Variants in FBXO22 observed in about 807,000 individuals in gnomAD.
The protein encoded by FBXO22 is F-box protein 22.
FBXO22 carries 13 observed loss-of-function variants against 37.2 expected under a neutral mutation model. The ratio of observed to expected loss-of-function variants is 0.35; its 90% confidence interval spans 0.23 to 0.56. The LOEUF (loss-of-function observed/expected upper bound fraction) is 0.56, where lower values mean the gene tolerates loss of function less well. Among genes scored for constraint, FBXO22 ranks in the 20% least tolerant of loss-of-function variants. The pLI, the probability that FBXO22 is intolerant of heterozygous loss-of-function variation, is 0.87. For missense variants in FBXO22, 446 were observed against 509.9 expected (o/e 0.87, Z 1.21); for synonymous variants, 189 against 189.1 (o/e 1.00, Z 0.00).
intron 5 of FBXO22, among the ~76,000 whole-genome samples, chr15:75,925,386 C>G (rs917764918): frequency 2.0e-5 from 3 of 152,010 alleles, no homozygotes; most frequent in Admixed American, 2.0e-4. Flanking sequence ...GTAGATTGTT[C>G]AGGTTCTTTC....
At chr15:75,922,265 GCTTA>G (rs1197257410) in intron 5 of FBXO22, among the ~76,000 whole-genome samples, 1 of 152,240 alleles carries the variant, frequency 6.6e-6, no homozygotes, top group African/African-American at 2.4e-5. Flanking sequence ...TGTTGCATAT[GCTTA>G]CTGTGCGTGT....
chr15:75,904,074 G>A lies in FBXO22; in HGVS notation c.111G>A (p.Leu37=), dbSNP rs549161797. 2.3e-5 allele frequency: 36 copies of A among 1,549,888 alleles called. No individual in the cohort carries two copies. The East Asian group carries it at 8.2e-4, about 35-fold the overall frequency. The change falls in exon 1 of 7, where the codon CTG becomes CTA. Residue 37 remains leucine, a synonymous_variant. Coordinates refer to ENST00000308275, the MANE Select transcript of FBXO22 (RefSeq NM_147188.3). ...AEVVERVLTF[L]PAKALLRVAC... The stretch of plus-strand genomic sequence containing the variant: ...TGGTGGAGCGTGTGCTCACCTTCCT[G>A]CCCGCCAAGGCGTTGCTGCGGGTGG...
At chr15:75,913,777 T>C (rs1295396125) in intron 3 of FBXO22, among the ~76,000 whole-genome samples, 1 of 151,816 alleles carries the variant, frequency 6.6e-6, no homozygotes, top group Non-Finnish European at 1.5e-5. Context: ...TTGATGCAAA[T>C]AGTAGTTATA....
At chr15:75,929,548 T>C (rs1229480060) in intron 5 of FBXO22, among the ~76,000 whole-genome samples, 3 of 151,836 alleles carry the variant, frequency 2.0e-5, no homozygotes, top group Admixed American at 6.6e-5. Flanking sequence ...GAGAGCCAGC[T>C]TGCACCTTGG....
intron 6 of FBXO22, chr15:75,930,318 T>C (rs1164054344): frequency 7.4e-7 from 1 of 1,360,378 alleles, no homozygotes; most frequent in Non-Finnish European, 9.5e-7. Flanking sequence ...ATCTTTCCTT[T>C]GACAGATGTG....
rs747892793 is a variant in FBXO22, at chr15:75,903,913, A to G, written c.-51A>G. 1.4e-6 allele frequency: 2 copies of G among 1,453,298 alleles called. No individual in the cohort carries two copies. The highest frequency in any genetic ancestry group is 5.1e-5 in the East Asian group (2 of 39,110). 90.0% of individuals were successfully genotyped at this position (1,453,298 alleles called of 1,614,324 possible). On this transcript the variant is annotated 5_prime_UTR_variant, in exon 1 of 7. An upstream open reading frame in the 5' UTR loses its in-frame stop. Coordinates refer to ENST00000308275, the MANE Select transcript of FBXO22 (RefSeq NM_147188.3). The stretch of plus-strand genomic sequence containing the variant: ...GGCCGGGCAACCCTATGCTGGCGTA[A>G]TCGGGTTCCTCCGAGCCGCCGTAGG...
Position 75,932,813 on chromosome 15 carries a change from G to A in FBXO22, c.923G>A (p.Arg308His), listed in dbSNP as rs776423393. ...AAGACTGCTGAGGCTGCGATGCAGC[G>A]CCTCAAAGCGGCCAACATTCCAGAG... ...DEKTAEAAMQ[R>H]LKAANIPEHN... is the part of the protein sequence containing the mutation. Residue 308 changes from arginine to histidine, a missense_variant, in exon 7 of 7, where the codon CGC becomes CAC. Arg to His is a conservative substitution (Grantham distance 29). This residue lies in a region of FBXO22 where 315 missense variants were observed against 410.1 expected (regional missense o/e 0.77). Transcript: ENST00000308275. 6.8e-6 allele frequency: 11 copies of A among 1,614,104 alleles called. No individual in the cohort carries two copies. The highest frequency in any genetic ancestry group is 1.7e-5 in the Admixed American group (1 of 60,010).
chr15:75,915,381 A>G (rs1232669126), intron 4 of FBXO22, among the ~76,000 whole-genome samples: 1 of 152,260 alleles, frequency 6.6e-6, no homozygotes, highest in Non-Finnish European at 1.5e-5. Context: ...TGAGGTAAAA[A>G]GAATTTTACA....
intron 2 of FBXO22, among the ~76,000 whole-genome samples, chr15:75,906,142 T>C (rs895542931): frequency 1.3e-5 from 2 of 152,192 alleles, no homozygotes; most frequent in African/African-American, 4.8e-5. Flanking sequence ...TCAGTGTCTT[T>C]TTAGAGATGA....
intron 5 of FBXO22, among the ~76,000 whole-genome samples, chr15:75,926,369 C>T (rs551368126): frequency 3.3e-5 from 5 of 152,124 alleles, no homozygotes; most frequent in Non-Finnish European, 5.9e-5. Flanking sequence ...TGTTATTTAC[C>T]GGTAGCACCA....
At position 75,929,877 on chromosome 15, in the gene FBXO22, T is replaced by C; in HGVS notation, c.629-7T>C. ...GTCTTTAACTGTTGCTCTTCATTTC[T>C]CTGCAGGTCTTTTAGATAACCCTGA... On this transcript the variant is annotated splice_polypyrimidine_tract_variant and splice_region_variant and intron_variant, in intron 5 of 6. Transcript: ENST00000308275. The C allele has an allele frequency of 1.2e-6, 2 of 1,613,990 alleles. No homozygotes were observed. The highest frequency in any genetic ancestry group is 1.1e-5 in the South Asian group (1 of 91,068).
intron 2 of FBXO22, among the ~76,000 whole-genome samples, chr15:75,906,965 A>G (rs1312591168): frequency 2.0e-5 from 3 of 152,258 alleles, no homozygotes; most frequent in Non-Finnish European, 4.4e-5. Context: ...ATGAAATTAT[A>G]TATTTAGTAT....
Position 75,932,833 on chromosome 15 carries a change from C to G in FBXO22, c.943C>G (p.Pro315Ala). 6.2e-7 allele frequency: 1 copy of G among 1,614,248 alleles called. No homozygotes were observed. ...AMQRLKAANI[P>A]EHNTIGFMFA... ...GCAGCGCCTCAAAGCGGCCAACATT[C>G]CAGAGCATAACACCATTGGCTTCAT... is the stretch of plus-strand genomic sequence containing the variant. The change falls in exon 7 of 7, where the codon CCA becomes GCA. Residue 315 changes from proline (P) to alanine (A), a missense_variant. Transcript: ENST00000308275.
chr15:75,904,073 T>C lies in FBXO22; in HGVS notation c.110T>C (p.Leu37Pro). 1 of 1,551,100 alleles carries C rather than the reference T, an allele frequency of 6.4e-7. No individual in the cohort carries two copies. The highest frequency in any genetic ancestry group is 8.7e-7 in the Non-Finnish European group (1 of 1,146,154). Residue 37 changes from leucine (L) to proline (P), a missense_variant, in exon 1 of 7, where the codon CTG becomes CCG. By Grantham distance (98) the Leu-to-Pro change is moderately conservative. This residue lies in a region of FBXO22 where 131 missense variants were observed against 99.8 expected (regional missense o/e 1.31). Transcript: ENST00000308275. ...GTGGTGGAGCGTGTGCTCACCTTCC[T>C]GCCCGCCAAGGCGTTGCTGCGGGTG... ...AEVVERVLTF[L>P]PAKALLRVAC...
intron 2 of FBXO22, among the ~76,000 whole-genome samples, chr15:75,908,433 C>T (rs535654255): frequency 2.0e-4 from 31 of 151,998 alleles, no homozygotes; most frequent in Admixed American, 3.9e-4. Context: ...CAGCCATACC[C>T]GGTTACTTTT....
At chr15:75,916,501 A>G (rs546405370) in intron 4 of FBXO22, among the ~76,000 whole-genome samples, 69 of 152,270 alleles carry the variant, frequency 4.5e-4, no homozygotes, top group Admixed American at 1.2e-3. Flanking sequence ...TTAGGGTCCT[A>G]CCCTTGTGAC....
rs1407210993 is a variant in FBXO22, at chr15:75,937,202, TATCAA to T, written c.*4102_*4106del. ...AGGAAGCTGCAAGCTTTTGTTTGCC[TATCAA>T]AACATTAAAAAAAAAAAAGAGGCCG... is the stretch of plus-strand genomic sequence containing the variant. On this transcript the variant is annotated 3_prime_UTR_variant, in exon 7 of 7. Transcript: ENST00000308275. 1 of 150,176 alleles carries T rather than the reference TATCAA, an allele frequency of 6.7e-6. No individual in the cohort carries two copies. Among genetic ancestry groups the T allele is most frequent in the Non-Finnish European group, 1.5e-5 (1 of 67,610 alleles). 9.3% of individuals were successfully genotyped at this position (150,176 alleles called of 1,614,324 possible). A position where few individuals can be genotyped will look rare whatever the true frequency, so the allele number is the denominator to read the frequency against.
At position 75,933,663 on chromosome 15, in the gene FBXO22, A is replaced by C. The variant is rs1387099828; in HGVS notation, c.*561A>C. The stretch of plus-strand genomic sequence containing the variant: ...GAACTATTTTTGTTTTGGTCAGATA[A>C]ATTGACAAGACTAATCAGTATTTTA... On this transcript the variant is annotated 3_prime_UTR_variant, in exon 7 of 7. Coordinates refer to ENST00000308275, the MANE Select transcript of FBXO22 (RefSeq NM_147188.3). 4.6e-5 allele frequency: 9 copies of C among 193,668 alleles called. No individual in the cohort carries two copies. The highest frequency in any genetic ancestry group is 9.8e-5 in the Non-Finnish European group (9 of 91,374). The allele number at this position is 193,668 out of a possible 1,614,324, so 12.0% of individuals were successfully genotyped here.
chr15:75,903,908 G>T lies in FBXO22; in HGVS notation c.-56G>T, dbSNP rs760787385. On this transcript the variant is annotated 5_prime_UTR_variant, in exon 1 of 7. Coordinates refer to ENST00000308275, the MANE Select transcript of FBXO22 (RefSeq NM_147188.3). ...GCGCCGGCCGGGCAACCCTATGCTG[G>T]CGTAATCGGGTTCCTCCGAGCCGCC... The T allele has an allele frequency of 2.8e-6, 4 of 1,448,308 alleles. No homozygotes were observed. The highest frequency in any genetic ancestry group is 2.5e-5 in the Admixed American group (1 of 40,626). 89.7% of individuals were successfully genotyped at this position (1,448,308 alleles called of 1,614,324 possible).
Sources: gnomAD v4.1 joint callset for allele counts (sites outside exome capture counted in the v4.1 genomes callset) on GRCh38, gnomAD v4.1.1 for gene constraint, gnomAD v4.1.1 regional missense constraint, MANE v1.5 for transcripts, NCBI Gene and HGNC (gene_info 2026-07-23, HGNC 2026-07-21) for gene names.